Variants in DPYD observed in about 807,000 individuals in gnomAD.
The protein encoded by DPYD is dihydropyrimidine dehydrogenase [NADP(+)].
DPYD carries 109 observed loss-of-function variants against 116.2 expected under a neutral mutation model. The observed-to-expected ratio is 0.94, with a 90% CI of 0.80 to 1.10. The LOEUF is 1.10. Ranked by LOEUF, DPYD falls within the 50% of genes least tolerant of loss-of-function variation. The pLI is 0.00. For missense variants in DPYD, 1,302 were observed against 1,254.5 expected, an observed-to-expected ratio of 1.04 and a Z score of -0.57; for synonymous variants, 440 against 432.0, an observed-to-expected ratio of 1.02 and a Z score of -0.23.
chr1:97,357,865 C>A (rs143380048), intron 16 of DPYD, among the ~76,000 whole-genome samples: 1 of 152,214 alleles, frequency 6.6e-6, no homozygotes, highest in Admixed American at 6.5e-5. Context: ...CAGCTCCGAT[C>A]TGCAGCTTCC....
At chr1:97,503,600 A>G (rs1011654803) in intron 13 of DPYD, among the ~76,000 whole-genome samples, 5 of 151,840 alleles carry the variant, frequency 3.3e-5, no homozygotes, top group South Asian at 2.1e-4. Context: ...TCTCTCCCCA[A>G]TGTATGGCTT....
At chr1:97,144,203 T>A (rs762171005) in intron 20 of DPYD, among the ~76,000 whole-genome samples, 6 of 152,342 alleles carry the variant, frequency 3.9e-5, no homozygotes, top group Admixed American at 1.3e-4. Context: ...TGCAGAGACA[T>A]AGGCAAATGC....
chr1:97,323,503 T>G (rs1474892370), intron 16 of DPYD, among the ~76,000 whole-genome samples: 1 of 66,012 alleles, frequency 1.5e-5, no homozygotes, highest in African/African-American at 3.7e-5. Context: ...ACATATCATA[T>G]GTACATATGT....
At chr1:97,720,860 C>T (rs1171821969) in intron 5 of DPYD, 2 of 1,607,750 alleles carry the variant, frequency 1.2e-6, no homozygotes, top group African/African-American at 2.7e-5. Context: ...CGTCAGAGAG[C>T]CCAAGAGTGT....
chr1:97,259,869 G>C (rs1663763659), intron 18 of DPYD, among the ~76,000 whole-genome samples: 2 of 152,070 alleles, frequency 1.3e-5, no homozygotes, highest in Admixed American at 6.6e-5. Flanking sequence ...GACATAGATA[G>C]ATATGTACAC....
intron 5 of DPYD, among the ~76,000 whole-genome samples, chr1:97,709,760 T>C (rs1266231937): frequency 1.3e-5 from 2 of 151,968 alleles, no homozygotes; most frequent in East Asian, 3.9e-4. Context: ...GCATTGTAAA[T>C]AAAAGTATAT....
chr1:97,309,351 G>GTA (rs1667355525), intron 16 of DPYD, among the ~76,000 whole-genome samples: 1 of 151,520 alleles, frequency 6.6e-6, no homozygotes, highest in Non-Finnish European at 1.5e-5. Flanking sequence ...GTGTGTGTGT[G>GTA]TGTGTGTGTG....
chr1:97,369,635 CAT>C (rs1476275471), intron 16 of DPYD, among the ~76,000 whole-genome samples: 1 of 152,132 alleles, frequency 6.6e-6, no homozygotes, highest in African/African-American at 2.4e-5. Context: ...GAAGAAGAGT[CAT>C]ATTTTATTTT....
At chr1:97,780,393 A>C (rs1438207027) in intron 3 of DPYD, among the ~76,000 whole-genome samples, 2 of 152,244 alleles carry the variant, frequency 1.3e-5, no homozygotes, top group Non-Finnish European at 2.9e-5. Context: ...TTTAAACTTC[A>C]TGGACAAAAG....
At chr1:97,347,213 G>T (rs1669902449) in intron 16 of DPYD, among the ~76,000 whole-genome samples, 1 of 151,788 alleles carries the variant, frequency 6.6e-6, no homozygotes, top group Admixed American at 6.6e-5. Context: ...TTAAAGACAT[G>T]CTTACCACAT....
chr1:97,698,769 C>T (rs61790060), intron 6 of DPYD, among the ~76,000 whole-genome samples: 8 of 151,470 alleles, frequency 5.3e-5, no homozygotes, highest in Admixed American at 2.6e-4. Context: ...ATATGTGTCC[C>T]GTATAGAGTT....
At chr1:97,353,287 G>A (rs1266121648) in intron 16 of DPYD, among the ~76,000 whole-genome samples, 1 of 152,148 alleles carries the variant, frequency 6.6e-6, no homozygotes, top group Non-Finnish European at 1.5e-5. Flanking sequence ...TGCCTGGATG[G>A]CTTAATGATC....
At chr1:97,087,359 A>C (rs926982141) in intron 21 of DPYD, among the ~76,000 whole-genome samples, 3 of 152,248 alleles carry the variant, frequency 2.0e-5, no homozygotes, top group African/African-American at 7.2e-5. Context: ...AGAAAAGGAC[A>C]TCTTAAGTTT....
At chr1:97,462,831 T>A (rs894557203) in intron 13 of DPYD, among the ~76,000 whole-genome samples, 1 of 152,192 alleles carries the variant, frequency 6.6e-6, no homozygotes, top group African/African-American at 2.4e-5. Context: ...TAGGAGAGAA[T>A]TAACTAAGAG....
chr1:97,569,818 CAT>C (rs1652774202), intron 11 of DPYD, among the ~76,000 whole-genome samples: 1 of 152,008 alleles, frequency 6.6e-6, no homozygotes, highest in Admixed American at 6.6e-5. Context: ...CGGCACATAA[CAT>C]ATTCCATGCA....
At chr1:97,252,910 C>G (rs1282319326) in intron 18 of DPYD, among the ~76,000 whole-genome samples, 1 of 151,824 alleles carries the variant, frequency 6.6e-6, no homozygotes, top group Non-Finnish European at 1.5e-5. Flanking sequence ...TCATAAACTT[C>G]GAAATACAAA....
At chr1:97,236,449 A>C (rs1053903822) in intron 18 of DPYD, among the ~76,000 whole-genome samples, 1 of 152,176 alleles carries the variant, frequency 6.6e-6, no homozygotes, top group Non-Finnish European at 1.5e-5. Flanking sequence ...AAAAAGTTAA[A>C]GGGCTTTCAA....
intron 8 of DPYD, among the ~76,000 whole-genome samples, chr1:97,657,354 A>G (rs1658985819): frequency 6.6e-6 from 1 of 152,178 alleles, no homozygotes; most frequent in South Asian, 2.1e-4. Context: ...CTTTCTGTAG[A>G]TATTTATTCA....
At chr1:97,185,819 G>A (rs374772084) in intron 20 of DPYD, among the ~76,000 whole-genome samples, 8 of 152,148 alleles carry the variant, frequency 5.3e-5, no homozygotes, top group African/African-American at 1.7e-4. Context: ...TGGTGGTAAA[G>A]GAAGATGTAA....
Sources: allele counts gnomAD v4.1 joint callset (sites outside exome capture counted in the v4.1 genomes callset), GRCh38; gene constraint gnomAD v4.1.1; transcripts MANE v1.5; gene names NCBI Gene and HGNC (gene_info 2026-07-23, HGNC 2026-07-21).